Variants in NCKAP5 observed in about 807,000 individuals in gnomAD.
The protein encoded by NCKAP5 is NCK associated protein 5.
NCKAP5 carries 92 observed loss-of-function variants against 167.0 expected under a neutral mutation model. The observed-to-expected ratio is 0.55, with a 90% CI of 0.47 to 0.66. The LOEUF (loss-of-function observed/expected upper bound fraction) is 0.66. Among genes scored for constraint, NCKAP5 ranks in the 30% least tolerant of loss-of-function variants. NCKAP5 has a pLI of 0.00. For synonymous variants in NCKAP5, 891 were observed against 877.4 expected, an observed-to-expected ratio of 1.02 and a Z score of -0.27; for missense variants, 2,378 against 2,315.0, an observed-to-expected ratio of 1.03 and a Z score of -0.56.
At chr2:133,397,733 G>C (rs1220436229) in intron 3 of NCKAP5, among the ~76,000 whole-genome samples, 1 of 152,178 alleles carries the variant, frequency 6.6e-6, no homozygotes, top group Non-Finnish European at 1.5e-5. Context: ...TTGTAGGTCT[G>C]TTTTAATATA....
At chr2:132,695,716 A>T (rs1007234914) in intron 19 of NCKAP5, among the ~76,000 whole-genome samples, 7 of 152,124 alleles carry the variant, frequency 4.6e-5, no homozygotes, top group Non-Finnish European at 7.4e-5. Flanking sequence ...TTGAAACAGG[A>T]TCCAAGGATA....
chr2:132,714,370 C>T (rs1394495278), intron 19 of NCKAP5, among the ~76,000 whole-genome samples: 2 of 152,202 alleles, frequency 1.3e-5, no homozygotes, highest in Admixed American at 6.5e-5. Flanking sequence ...CCATTTAATA[C>T]ATAATACTCA....
intron 4 of NCKAP5, among the ~76,000 whole-genome samples, chr2:133,298,615 T>G (rs1680130192): frequency 6.6e-6 from 1 of 152,206 alleles, no homozygotes; most frequent in South Asian, 2.1e-4. Flanking sequence ...TCATCTATAA[T>G]AATGCGTGTA....
intron 8 of NCKAP5, among the ~76,000 whole-genome samples, chr2:132,913,704 G>A (rs1338459314): frequency 1.3e-5 from 2 of 152,026 alleles, no homozygotes; most frequent in African/African-American, 4.8e-5. Context: ...TGCAAATTAT[G>A]CAAGACAGTA....
chr2:132,797,002 A>C (rs568390714), intron 11 of NCKAP5, among the ~76,000 whole-genome samples: 4 of 152,326 alleles, frequency 2.6e-5, no homozygotes, highest in African/African-American at 9.6e-5. Flanking sequence ...GTAGTAGTTA[A>C]AAAAATAAGC....
chr2:132,855,649 A>C (rs1441392545), intron 11 of NCKAP5, among the ~76,000 whole-genome samples: 1 of 152,170 alleles, frequency 6.6e-6, no homozygotes, highest in East Asian at 1.9e-4. Flanking sequence ...AGAGGCCAGA[A>C]TCGATCAGAA....
Position 133,146,717 on chromosome 2 carries a change from T to C in NCKAP5, c.208-16606A>G, listed in dbSNP as rs569464104. On this transcript the variant is annotated intron_variant, in intron 5 of 19. Coordinates refer to ENST00000409261, the MANE Select transcript of NCKAP5 (RefSeq NM_207363.3). The stretch of plus-strand genomic sequence containing the variant: ...ACACAAACACCAAATTCTTAAGGCA[T>C]ATAACCCTATATTCCATCAGTAGGC... Among the ~76,000 whole-genome samples, 270 of 152,188 alleles carry C rather than the reference T, an allele frequency of 1.8e-3. 2 individuals carry two copies. The highest frequency in any genetic ancestry group is 3.4e-3 in the Middle Eastern group (1 of 294).
At chr2:132,702,297 T>TC (rs1442207688) in intron 19 of NCKAP5, among the ~76,000 whole-genome samples, 2 of 152,130 alleles carry the variant, frequency 1.3e-5, no homozygotes, top group Non-Finnish European at 2.9e-5. Context: ...GGATGGCTGC[T>TC]CCCTGGCACC....
intron 6 of NCKAP5, among the ~76,000 whole-genome samples, chr2:132,998,092 C>G (rs150520104): frequency 6.6e-6 from 1 of 152,122 alleles, no homozygotes; most frequent in Non-Finnish European, 1.5e-5. Flanking sequence ...TTCTTTTAAT[C>G]CTTATTGCAT....
intron 6 of NCKAP5, among the ~76,000 whole-genome samples, chr2:133,019,944 C>CT (rs1360934248): frequency 2.0e-4 from 30 of 152,350 alleles, no homozygotes; most frequent in Admixed American, 1.6e-3. Context: ...GGGCAGCTGC[C>CT]TGCCTTCTCC....
chr2:133,071,423 C>T (rs901415897), intron 6 of NCKAP5, among the ~76,000 whole-genome samples: 7 of 152,084 alleles, frequency 4.6e-5, no homozygotes, highest in Admixed American at 2.6e-4. Context: ...CCAGCCTGGG[C>T]GACAGAGCGA....
intron 8 of NCKAP5, among the ~76,000 whole-genome samples, chr2:132,919,762 T>C (rs1695167799): frequency 2.6e-5 from 4 of 152,172 alleles, no homozygotes; most frequent in Admixed American, 2.6e-4. Context: ...ATGACATCTA[T>C]ACTTCTACAA....
At chr2:132,963,232 C>G (rs1238552479) in intron 8 of NCKAP5, among the ~76,000 whole-genome samples, 1 of 152,186 alleles carries the variant, frequency 6.6e-6, no homozygotes, top group Non-Finnish European at 1.5e-5. Context: ...TCTCCTTAGC[C>G]AGTTTCAGCT....
intron 3 of NCKAP5, among the ~76,000 whole-genome samples, chr2:133,494,049 G>C (rs924976199): frequency 1.3e-5 from 2 of 152,174 alleles, no homozygotes; most frequent in Non-Finnish European, 2.9e-5. Flanking sequence ...CCTTTAACTT[G>C]ATCTATGTGG....
intron 5 of NCKAP5, among the ~76,000 whole-genome samples, chr2:133,176,009 C>T (rs1320504480): frequency 6.6e-6 from 1 of 152,142 alleles, no homozygotes; most frequent in African/African-American, 2.4e-5. Context: ...GATGTACATG[C>T]TAACAAAGAG....
intron 6 of NCKAP5, among the ~76,000 whole-genome samples, chr2:133,098,613 AC>A (rs2149670163): frequency 6.6e-6 from 1 of 152,352 alleles, no homozygotes; most frequent in East Asian, 1.9e-4. Context: ...AATTAAAAAA[AC>A]ATTTTGTTGA....
chr2:133,359,988 T>C (rs1684989096), intron 3 of NCKAP5, among the ~76,000 whole-genome samples: 1 of 152,202 alleles, frequency 6.6e-6, no homozygotes, highest in African/African-American at 2.4e-5. Flanking sequence ...AAGACTGTGA[T>C]TGAACAACAG....
intron 19 of NCKAP5, among the ~76,000 whole-genome samples, chr2:132,689,771 TTG>T (rs142866584): frequency 6.6e-6 from 1 of 151,428 alleles, no homozygotes; most frequent in Admixed American, 6.6e-5. Context: ...TCTTGCATCC[TTG>T]TGTGTGTGTG....
At chr2:133,398,398 G>A (rs1404289223) in intron 3 of NCKAP5, among the ~76,000 whole-genome samples, 2 of 152,086 alleles carry the variant, frequency 1.3e-5, no homozygotes, top group East Asian at 1.9e-4. Flanking sequence ...AAACCTGCAC[G>A]TTCTGCTCAT....
Sources: gnomAD v4.1 joint callset for allele counts (sites outside exome capture counted in the v4.1 genomes callset) on GRCh38, gnomAD v4.1.1 for gene constraint, MANE v1.5 for transcripts, NCBI Gene and HGNC (gene_info 2026-07-23, HGNC 2026-07-21) for gene names.